Variants in LYPLA1 observed in about 807,000 individuals in gnomAD.
The protein encoded by LYPLA1 is acyl-protein thioesterase 1.
LYPLA1 carries 17 observed loss-of-function variants against 34.0 expected under a neutral mutation model. The observed-to-expected ratio is 0.50, with a 90% CI of 0.34 to 0.75. LYPLA1 has a LOEUF of 0.75. LYPLA1 is among the 30% of genes least tolerant of loss of function. The pLI, the probability that LYPLA1 is intolerant of heterozygous loss-of-function variation, is 0.01. For missense variants in LYPLA1, 203 were observed against 288.8 expected (o/e 0.70, Z 2.15); for synonymous variants, 98 against 100.8 (o/e 0.97, Z 0.17).
intron 2 of LYPLA1, among the ~76,000 whole-genome samples, chr8:54,091,980 T>C (rs1201281865): frequency 6.6e-6 from 1 of 151,620 alleles, no homozygotes; most frequent in Non-Finnish European, 1.5e-5. Flanking sequence ...TCCAGTCACT[T>C]GGGAGGCTGA....
chr8:54,073,628 G>C, intron 2 of LYPLA1: 1 of 490,218 alleles, frequency 2.0e-6, no homozygotes, highest in Non-Finnish European at 3.7e-6. Context: ...TTCATGACCA[G>C]TAAAGGCTGC....
At chr8:54,055,921 G>A (rs1189111702) in intron 5 of LYPLA1, among the ~76,000 whole-genome samples, 3 of 152,054 alleles carry the variant, frequency 2.0e-5, no homozygotes, top group Admixed American at 6.6e-5. Flanking sequence ...GATTACAGGC[G>A]TGAGCCACCG....
chr8:54,078,563 T>C (rs1461304522), intron 2 of LYPLA1, among the ~76,000 whole-genome samples: 1 of 152,230 alleles, frequency 6.6e-6, no homozygotes, highest in Non-Finnish European at 1.5e-5. Flanking sequence ...AACCCCATTG[T>C]AAGTCAAGGC....
chr8:54,078,364 T>C (rs1808059095), intron 2 of LYPLA1, among the ~76,000 whole-genome samples: 1 of 152,188 alleles, frequency 6.6e-6, no homozygotes. Context: ...ACCAAACCAA[T>C]CTGAGTTTAG....
intron 2 of LYPLA1, among the ~76,000 whole-genome samples, chr8:54,090,333 A>C (rs1312360714): frequency 5.3e-5 from 8 of 152,174 alleles, no homozygotes; most frequent in South Asian, 2.1e-4. Context: ...TTTTGCTACA[A>C]CTGTTACTGC....
chr8:54,066,460 G>C (rs1033618012), intron 2 of LYPLA1, among the ~76,000 whole-genome samples: 19 of 152,084 alleles, frequency 1.2e-4, no homozygotes, highest in Admixed American at 6.5e-4. Flanking sequence ...AAGTAGGCAA[G>C]AGAAATAATT....
rs201545035 is a variant in LYPLA1 at position 54,084,124 on chromosome 8, G to GAAAAAAAAAA, written c.101+16774_101+16783dup. 2.3e-3 allele frequency among the ~76,000 whole-genome samples: 129 copies of GAAAAAAAAAA among 56,322 alleles called. 2 individuals carry two copies. Among genetic ancestry groups the GAAAAAAAAAA allele is most frequent in the African/African-American group, 0.011 (122 of 11,168 alleles). The allele number at this position is 56,322 out of a possible 152,430, so 36.9% of individuals were successfully genotyped here. A position where few individuals can be genotyped will look rare whatever the true frequency, so the allele number is the denominator to read the frequency against. On this transcript the variant is annotated intron_variant, in intron 2 of 8. Coordinates refer to ENST00000316963, the MANE Select transcript of LYPLA1 (RefSeq NM_006330.4). ...CTGCACTCCAGCCTGGGAGACCAAA[G>GAAAAAAAAAA]AAAAAAAAAATAAATAAATATATAT...
chr8:54,065,251 C>A (rs1224782448), intron 3 of LYPLA1, among the ~76,000 whole-genome samples: 1 of 152,016 alleles, frequency 6.6e-6, no homozygotes, highest in Non-Finnish European at 1.5e-5. Context: ...TGAGGTCAGG[C>A]ATTTGAGAAT....
rs767311048 is a variant in LYPLA1 at position 54,051,200 on chromosome 8, A to C, written c.463-12T>G. 2 of 1,581,370 alleles carry C rather than the reference A, an allele frequency of 1.3e-6. No individual in the cohort carries two copies. Among genetic ancestry groups the C allele is most frequent in the Non-Finnish European group, 1.7e-6 (2 of 1,163,926 alleles). On this transcript the variant is annotated splice_polypyrimidine_tract_variant and intron_variant, in intron 7 of 8. Coordinates refer to ENST00000316963, the MANE Select transcript of LYPLA1 (RefSeq NM_006330.4). ...CCACCGATAGGACCCTGCAAAAAGCAAAAGAAGAAATAGTTTTATTTTTGT... is the reference window on the plus strand; with the variant it reads ...CCACCGATAGGACCCTGCAAAAAGCCAAAGAAGAAATAGTTTTATTTTTGT...
intron 8 of LYPLA1, among the ~76,000 whole-genome samples, chr8:54,049,225 A>G (rs898030054): frequency 3.9e-5 from 6 of 152,224 alleles, no homozygotes; most frequent in African/African-American, 1.2e-4. Context: ...CAGTATGACT[A>G]TCTCACTAGG....
chr8:54,084,952 T>A (rs1808595218), intron 2 of LYPLA1, among the ~76,000 whole-genome samples: 2 of 151,934 alleles, frequency 1.3e-5, no homozygotes, highest in South Asian at 4.2e-4. Context: ...ACCAATCCAA[T>A]GTTTAAAGAA....
At chr8:54,051,227 A>C (rs757266185) in intron 7 of LYPLA1, 39 bp from the exon 8 acceptor site, 1 of 1,521,840 alleles carries the variant, frequency 6.6e-7, no homozygotes, top group Non-Finnish European at 8.9e-7. Context: ...TATTTTTGTA[A>C]AAGTATAGGA....
At chr8:54,101,393 G>C in intron 1 of LYPLA1, 1 of 1,055,928 alleles carries the variant, frequency 9.5e-7, no homozygotes, top group Non-Finnish European at 1.1e-6. Context: ...TTGAGGATAA[G>C]AGTGCGAGGT....
intron 2 of LYPLA1, among the ~76,000 whole-genome samples, chr8:54,096,759 A>G (rs1437714745): frequency 6.6e-6 from 1 of 151,430 alleles, no homozygotes; most frequent in Non-Finnish European, 1.5e-5. Flanking sequence ...AAAAAAAAAA[A>G]TTAGCCGGGT....
intron 1 of LYPLA1, 41 bp downstream of exon 1, chr8:54,101,714 G>T: frequency 1.6e-6 from 2 of 1,270,142 alleles, no homozygotes; most frequent in Non-Finnish European, 2.0e-6. Context: ...ACCGGTGGCC[G>T]GCCCAGTGGA....
intron 2 of LYPLA1, among the ~76,000 whole-genome samples, chr8:54,068,234 TGGAA>T (rs1807222404): frequency 1.3e-5 from 2 of 152,158 alleles, no homozygotes; most frequent in Admixed American, 6.6e-5. Flanking sequence ...TCTATATAAA[TGGAA>T]GGATATCCCA....
chr8:54,087,874 C>T (rs905905673), intron 2 of LYPLA1, among the ~76,000 whole-genome samples: 26 of 152,254 alleles, frequency 1.7e-4, no homozygotes, highest in African/African-American at 5.5e-4. Flanking sequence ...AGCTGTGTCA[C>T]GAGAGTACAC....
chr8:54,065,658 G>T, intron 3 of LYPLA1, 90 bp downstream of exon 3: 1 of 842,284 alleles, frequency 1.2e-6, no homozygotes. Flanking sequence ...AAAATTAACT[G>T]TATTCAAATA....
In LYPLA1 at chr8:54,052,745, T is replaced by TA; in HGVS notation, c.371dup (p.Leu124PhefsTer38). ...GTGTGGTAAGGGCAGTATATAAAGA[T>TA]AAAGCTCCTCCCTGAAAAGACAAGC... On this transcript the variant is annotated frameshift_variant, in exon 7 of 9. Coordinates refer to ENST00000316963, the MANE Select transcript of LYPLA1 (RefSeq NM_006330.4). LOFTEE classifies it high-confidence loss of function. 6.2e-7 allele frequency: 1 copy of TA among 1,609,612 alleles called. No individual in the cohort carries two copies. The highest frequency in any genetic ancestry group is 8.5e-7 in the Non-Finnish European group (1 of 1,176,234).
Sources: gnomAD v4.1 joint callset for allele counts (sites outside exome capture counted in the v4.1 genomes callset) on GRCh38, gnomAD v4.1.1 for gene constraint, MANE v1.5 for transcripts, NCBI Gene and HGNC (gene_info 2026-07-23, HGNC 2026-07-21) for gene names.